ATAD2B: variants seen among roughly 807,000 people sequenced by gnomAD.
ATAD2B encodes ATPase family AAA domain-containing protein 2B.
In ATAD2B, 40 loss-of-function variants were observed where a neutral mutation model predicts 167.6. That is an observed-to-expected ratio of 0.24 (90% CI 0.19 to 0.31). The LOEUF (loss-of-function observed/expected upper bound fraction) is 0.31, where lower values mean the gene tolerates loss of function less well. Among genes scored for constraint, ATAD2B ranks in the 10% least tolerant of loss-of-function variants. The pLI is 1.00. For synonymous variants in ATAD2B, 579 were observed against 596.5 expected (o/e 0.97, Z 0.43); for missense variants, 1,242 against 1,757.2 (o/e 0.71, Z 5.24).
At chr2:23,901,443 A>G (rs1464443271) in intron 1 of ATAD2B, among the ~76,000 whole-genome samples, 1 of 151,608 alleles carries the variant, frequency 6.6e-6, no homozygotes, top group East Asian at 1.9e-4. Context: ...GCCCTACTAT[A>G]CATTTGGGCA....
At chr2:23,768,280 T>A (rs1277606492) in intron 22 of ATAD2B, among the ~76,000 whole-genome samples, 1 of 152,092 alleles carries the variant, frequency 6.6e-6, no homozygotes, top group African/African-American at 2.4e-5. Flanking sequence ...GTGCCCGTAG[T>A]CAAAGCACTT....
At chr2:23,780,267 TTGTGTGTGTG>T (rs67788174) in intron 22 of ATAD2B, among the ~76,000 whole-genome samples, 1,775 of 144,070 alleles carry the variant, frequency 0.012, 21 homozygotes, top group Middle Eastern at 0.038. Flanking sequence ...AAGTATATAC[TTGTGTGTGTG>T]TGTGTGTGTG....
At chr2:23,802,265 T>C (rs1276576624) in intron 18 of ATAD2B, among the ~76,000 whole-genome samples, 2 of 152,062 alleles carry the variant, frequency 1.3e-5, no homozygotes, top group Non-Finnish European at 2.9e-5. Flanking sequence ...TGCCATGCTA[T>C]CAGAAATTAT....
At chr2:23,754,827 A>T in intron 25 of ATAD2B, 53 bp from the exon 26 acceptor site, 4 of 1,538,196 alleles carry the variant, frequency 2.6e-6, no homozygotes, top group Non-Finnish European at 3.5e-6. Flanking sequence ...AAGAAAAACC[A>T]GTCTTAAGCA....
Position 23,757,960 on chromosome 2 carries a change from A to G in ATAD2B, c.3536T>C (p.Leu1179Ser). The G allele has an allele frequency of 6.2e-7, 1 of 1,613,572 alleles. No individual in the cohort carries two copies. Among genetic ancestry groups the G allele is most frequent in the Non-Finnish European group, 8.5e-7 (1 of 1,179,728 alleles). Reference sequence around the variant, plus strand: ...GCTTACCTCAAACTCTCCATTCTCTAATAATTTCCTGTCCTCCGTATGGTT... The same window carrying G: ...GCTTACCTCAAACTCTCCATTCTCTGATAATTTCCTGTCCTCCGTATGGTT... The part of the protein sequence containing the change: ...YENHTEDRKL[L>S]ENGEFEVSTD... The change falls in exon 25 of 28, where the codon TTA becomes TCA. Residue 1179 changes from leucine to serine, a missense_variant. Transcript: ENST00000238789.
chr2:23,895,848 C>G lies in ATAD2B; in HGVS notation c.339G>C (p.Glu113Asp). 6.2e-7 allele frequency: 1 copy of G among 1,612,114 alleles called. No homozygotes were observed. The highest frequency in any genetic ancestry group is 8.5e-7 in the Non-Finnish European group (1 of 1,178,836). ...KSKSRSTGQR[E>D]EWNLSTGQAR... ...CCTGTCCAGTTGATAAGTTCCATTCCTCTCGCTGACCAGTACTTCGTGATT... is the reference window on the plus strand; with the variant it reads ...CCTGTCCAGTTGATAAGTTCCATTCGTCTCGCTGACCAGTACTTCGTGATT... Residue 113 changes from glutamate to aspartate, a missense_variant, in exon 2 of 28, where the codon GAG becomes GAC. Physicochemically the swap from Glu to Asp is conservative, Grantham distance 45 (BLOSUM62 2). Coordinates refer to ENST00000238789, the MANE Select transcript of ATAD2B (RefSeq NM_017552.4).
intron 9 of ATAD2B, 61 bp downstream of exon 9, chr2:23,869,602 T>C: frequency 1.7e-6 from 2 of 1,183,216 alleles, no homozygotes; most frequent in Non-Finnish European, 2.4e-6. Context: ...AGAAAATCAC[T>C]CAAAAAAAAC....
chr2:23,851,980 A>G (rs1692642259), intron 13 of ATAD2B, among the ~76,000 whole-genome samples: 1 of 152,042 alleles, frequency 6.6e-6, no homozygotes, highest in South Asian at 2.1e-4. Context: ...ATACTACCGC[A>G]GACTATTTAG....
intron 20 of ATAD2B, among the ~76,000 whole-genome samples, chr2:23,787,249 C>T (rs1680966534): frequency 6.6e-6 from 1 of 152,006 alleles, no homozygotes; most frequent in Admixed American, 6.6e-5. Flanking sequence ...CACACTACAG[C>T]TCAGAATTAA....
the ATAD2B span, among the ~76,000 whole-genome samples, chr2:23,711,217 A>C: frequency 5.9e-5 from 9 of 151,632 alleles, no homozygotes; most frequent in African/African-American, 1.7e-4. Context: ...ATGGAATTGC[A>C]GGCAATTTTT....
chr2:23,853,774 T>C (rs970045596), intron 13 of ATAD2B, among the ~76,000 whole-genome samples: 5 of 152,224 alleles, frequency 3.3e-5, no homozygotes, highest in Non-Finnish European at 5.9e-5. Flanking sequence ...GGAGGACTTA[T>C]ACTAAAATGA....
At chr2:23,821,889 G>A (rs1440191802) in intron 16 of ATAD2B, among the ~76,000 whole-genome samples, 1 of 152,054 alleles carries the variant, frequency 6.6e-6, no homozygotes, top group African/African-American at 2.4e-5. Flanking sequence ...CCTGACCTCA[G>A]GTGATCCACC....
At chr2:23,883,625 A>G (rs1291376042) in intron 6 of ATAD2B, 2 of 1,295,832 alleles carry the variant, frequency 1.5e-6, no homozygotes, top group African/African-American at 1.5e-5. Context: ...GAAGCAATTT[A>G]GAGGTTCTAG....
chr2:23,693,447 C>A, the ATAD2B span: 1 of 1,551,752 alleles, frequency 6.4e-7, no homozygotes, highest in Non-Finnish European at 8.7e-7. Flanking sequence ...TCTCCAACGA[C>A]AGCCTCAACA....
At chr2:23,826,411 T>C (rs184453154) in intron 15 of ATAD2B, among the ~76,000 whole-genome samples, 40 of 152,316 alleles carry the variant, frequency 2.6e-4, no homozygotes, top group South Asian at 8.3e-4. Context: ...ACTGAAAATA[T>C]ACTACAGCCT....
chr2:23,743,837 G>T (rs967370113), downstream of ATAD2B, among the ~76,000 whole-genome samples: 1 of 152,066 alleles, frequency 6.6e-6, no homozygotes, highest in African/African-American at 2.4e-5. Context: ...ATGTTACCCA[G>T]GCTGGTCTTG....
At chr2:23,845,640 C>T (rs1454705478) in intron 13 of ATAD2B, among the ~76,000 whole-genome samples, 6 of 132,072 alleles carry the variant, frequency 4.5e-5, no homozygotes, top group Non-Finnish European at 9.2e-5. Context: ...AGTGCAGTGG[C>T]ACAATCAAAA....
At chr2:23,921,230 A>AG (rs1558808649) in intron 1 of ATAD2B, among the ~76,000 whole-genome samples, 1 of 141,546 alleles carries the variant, frequency 7.1e-6, no homozygotes, top group Non-Finnish European at 1.5e-5. Flanking sequence ...AAAAAAAAAA[A>AG]CAACCCAAAG....
intron 1 of ATAD2B, among the ~76,000 whole-genome samples, chr2:23,909,708 G>A (rs1267197755): frequency 4.0e-5 from 6 of 151,688 alleles, no homozygotes; most frequent in African/African-American, 4.8e-5. Flanking sequence ...TTCTGTGTAC[G>A]TACATATTAT....
Sources: gnomAD v4.1 joint callset for allele counts (sites outside exome capture counted in the v4.1 genomes callset) on GRCh38, gnomAD v4.1.1 for gene constraint, MANE v1.5 for transcripts, NCBI Gene and HGNC (gene_info 2026-07-23, HGNC 2026-07-21) for gene names.